ERC1: variants seen among roughly 807,000 people sequenced by gnomAD.
The protein encoded by ERC1 is RAB6 interacting protein 2.
ERC1 carries 56 observed loss-of-function variants against 132.0 expected under a neutral mutation model. That is an observed-to-expected ratio of 0.42 (90% confidence interval 0.34 to 0.53). The LOEUF (loss-of-function observed/expected upper bound fraction) is 0.53, where lower values mean the gene tolerates loss of function less well. Among genes scored for constraint, ERC1 ranks in the 20% least tolerant of loss-of-function variants. ERC1 has a pLI of 0.03. For synonymous variants in ERC1, 478 were observed against 476.1 expected (o/e 1.00, Z -0.05); for missense variants, 1,202 against 1,349.9 (o/e 0.89, Z 1.72).
chr12:1,196,719 T>C (rs1956271868), intron 12 of ERC1, among the ~76,000 whole-genome samples: 1 of 151,150 alleles, frequency 6.6e-6, no homozygotes, highest in Non-Finnish European at 1.5e-5. Flanking sequence ...GGTCTTGAAC[T>C]CCTGGGCTCA....
In ERC1 at chr12:1,296,401, C is replaced by CTTTTT. The variant is rs57458560; in HGVS notation, c.2780+6414_2780+6418dup. On this transcript the variant is annotated intron_variant, in intron 15 of 18. Coordinates refer to ENST00000360905, the MANE Select transcript of ERC1 (RefSeq NM_178040.4). ...AGAAATGAAACATTTATTGGATAGTCTTTTTTTTTTTTTTTTTTTTTTTTT... is the reference window on the plus strand; with the variant it reads ...AGAAATGAAACATTTATTGGATAGTCTTTTTTTTTTTTTTTTTTTTTTTTTTTTTT... 5.6e-3 allele frequency among the ~76,000 whole-genome samples: 430 copies of CTTTTT among 76,240 alleles called. 63 individuals carry two copies. The highest frequency in any genetic ancestry group is 0.011 in the African/African-American group (190 of 17,560). The allele number at this position is 76,240 out of a possible 152,430, so 50.0% of individuals were successfully genotyped here.
intron 14 of ERC1, among the ~76,000 whole-genome samples, chr12:1,275,907 A>G (rs1279390537): frequency 6.6e-6 from 1 of 152,150 alleles, no homozygotes; most frequent in African/African-American, 2.4e-5. Context: ...ATTCTTGTAG[A>G]TTTACTGACA....
At chr12:1,044,174 G>A (rs1405832025) in intron 2 of ERC1, among the ~76,000 whole-genome samples, 1 of 152,208 alleles carries the variant, frequency 6.6e-6, no homozygotes, top group East Asian at 1.9e-4. Context: ...TTTGCCAGGT[G>A]TGTAGCCATG....
intron 2 of ERC1, among the ~76,000 whole-genome samples, chr12:1,050,507 G>T (rs1341222300): frequency 6.6e-6 from 1 of 152,152 alleles, no homozygotes; most frequent in Non-Finnish European, 1.5e-5. Flanking sequence ...TCTGGTTTAG[G>T]ACTGCTGGGG....
chr12:1,074,746 A>G (rs1941057515), intron 2 of ERC1, among the ~76,000 whole-genome samples: 1 of 152,246 alleles, frequency 6.6e-6, no homozygotes, highest in Non-Finnish European at 1.5e-5. Context: ...TCGCAGAGCA[A>G]AAAGATAGAT....
intron 2 of ERC1, among the ~76,000 whole-genome samples, chr12:1,058,791 T>TTG (rs1973479039): frequency 6.7e-6 from 1 of 149,266 alleles, no homozygotes; most frequent in African/African-American, 2.5e-5. Flanking sequence ...GAAAGTATGT[T>TTG]TTTTTTTTTT....
At chr12:990,843 C>T (rs1257045598), upstream of ERC1, among the ~76,000 whole-genome samples, 2 of 151,712 alleles carry the variant, frequency 1.3e-5, no homozygotes, top group African/African-American at 4.8e-5. Context: ...GGGCTTCCAG[C>T]GTCCACTTCC....
chr12:1,338,157 T>C (rs1055796768), intron 15 of ERC1, among the ~76,000 whole-genome samples: 9 of 152,216 alleles, frequency 5.9e-5, no homozygotes, highest in Non-Finnish European at 1.3e-4. Flanking sequence ...TCCCCATCTC[T>C]TTCAGGGATA....
At chr12:1,459,418 C>T (rs1415460158) in intron 18 of ERC1, among the ~76,000 whole-genome samples, 1 of 151,916 alleles carries the variant, frequency 6.6e-6, no homozygotes, top group African/African-American at 2.4e-5. Flanking sequence ...AATCAATATT[C>T]TATTGAATAA....
chr12:1,150,103 G>A (rs1950705068), intron 8 of ERC1, among the ~76,000 whole-genome samples: 1 of 152,190 alleles, frequency 6.6e-6, no homozygotes, highest in African/African-American at 2.4e-5. Flanking sequence ...GGGATAAGAT[G>A]TTCATAACTC....
chr12:1,215,593 A>T (rs1043633835), intron 12 of ERC1, among the ~76,000 whole-genome samples: 1 of 152,140 alleles, frequency 6.6e-6, no homozygotes, highest in African/African-American at 2.4e-5. Flanking sequence ...TATCATCTAG[A>T]TACAGACCCT....
At chr12:1,303,968 AAAG>A (rs1351616890) in intron 15 of ERC1, among the ~76,000 whole-genome samples, 1 of 151,776 alleles carries the variant, frequency 6.6e-6, no homozygotes, top group Non-Finnish European at 1.5e-5. Flanking sequence ...AAAAAAAAAA[AAAG>A]AATTCCATTA....
In ERC1 at chr12:1,143,189, C is replaced by T. The variant is rs138257871; in HGVS notation, c.1737+1402C>T. On this transcript the variant is annotated intron_variant, in intron 8 of 18. Coordinates refer to ENST00000360905, the MANE Select transcript of ERC1 (RefSeq NM_178040.4). Reference sequence around the variant, plus strand: ...GAAGTACTGGGATTACAGGCGTGAGCCACTGCACCAGCCCACCTTTTTTAA... The same window carrying T: ...GAAGTACTGGGATTACAGGCGTGAGTCACTGCACCAGCCCACCTTTTTTAA... Among the ~76,000 whole-genome samples, 135 of 152,280 alleles carry T rather than the reference C, an allele frequency of 8.9e-4. 1 individual carries two copies. Among genetic ancestry groups the T allele is most frequent in the Middle Eastern group, 6.8e-3 (2 of 294 alleles).
At chr12:1,314,869 G>A (rs1198386848) in intron 15 of ERC1, among the ~76,000 whole-genome samples, 3 of 151,844 alleles carry the variant, frequency 2.0e-5, no homozygotes, top group African/African-American at 7.3e-5. Context: ...TTTTACCTCT[G>A]GGCTCTATCT....
chr12:1,055,241 G>A (rs773309419), intron 2 of ERC1, among the ~76,000 whole-genome samples: 1 of 151,536 alleles, frequency 6.6e-6, no homozygotes, highest in South Asian at 2.1e-4. Flanking sequence ...GTGCAGTGGC[G>A]CGATCTCTGT....
chr12:1,402,646 A>ACACACACAC (rs1566780543), intron 16 of ERC1, among the ~76,000 whole-genome samples: 1 of 105,120 alleles, frequency 9.5e-6, no homozygotes. Flanking sequence ...CACACACACA[A>ACACACACAC]AAGAACAAAG....
intron 17 of ERC1, among the ~76,000 whole-genome samples, chr12:1,426,651 A>G (rs1267076122): frequency 1.3e-5 from 2 of 152,156 alleles, no homozygotes; most frequent in African/African-American, 4.8e-5. Context: ...CGTTTTGTGG[A>G]CTACAGTAGT....
At chr12:1,392,418 C>A (rs904076106) in intron 16 of ERC1, among the ~76,000 whole-genome samples, 1 of 152,112 alleles carries the variant, frequency 6.6e-6, no homozygotes, top group Non-Finnish European at 1.5e-5. Context: ...TCTAAGTAAT[C>A]AGTAGGTTGA....
chr12:1,221,311 C>T (rs1958960745), intron 12 of ERC1, among the ~76,000 whole-genome samples: 1 of 152,158 alleles, frequency 6.6e-6, no homozygotes, highest in African/African-American at 2.4e-5. Context: ...TGCCATAAAA[C>T]AGTCCTCATC....
Sources: gnomAD v4.1 joint callset for allele counts (sites outside exome capture counted in the v4.1 genomes callset) on GRCh38, gnomAD v4.1.1 for gene constraint, MANE v1.5 for transcripts, NCBI Gene and HGNC (gene_info 2026-07-23, HGNC 2026-07-21) for gene names.